C22orf15: variants seen among roughly 807,000 people sequenced by gnomAD.
C22orf15 encodes the protein uncharacterized protein C22orf15.
A neutral mutation model predicts 20.3 loss-of-function variants in C22orf15; 21 were observed. The ratio of observed to expected loss-of-function variants is 1.04; its 90% CI spans 0.74 to 1.49. C22orf15 has a LOEUF of 1.49. C22orf15 is among the 40% of genes most tolerant of loss of function. C22orf15 has a pLI of 0.00. For synonymous variants in C22orf15, 78 were observed against 75.4 expected (o/e 1.03, Z -0.18); for missense variants, 170 against 191.1 (o/e 0.89, Z 0.65).
intron 1 of C22orf15, among the ~76,000 whole-genome samples, chr22:23,763,658 A>T: frequency 6.6e-6 from 1 of 152,246 alleles, no homozygotes; most frequent in Non-Finnish European, 1.5e-5. Context: ...CGTGCATCAG[A>T]CACCTGAAAC....
At position 23,764,390 on chromosome 22, in the gene C22orf15, G is replaced by C. The variant is rs765516563; in HGVS notation, c.243G>C (p.Arg81=). ...AGCGAGCCATATATGTCCTCGTTCG[G>C]ATCATCAGTAAGGTGGCCCAAGGTT... ...LKERAIYVLV[R]IIKGEDMAST... is the part of the protein sequence containing the mutation. Residue 81 remains arginine, a synonymous_variant, in exon 3 of 6, where the codon CGG becomes CGC. Transcript: ENST00000402217. 47 of 1,559,946 alleles carry C rather than the reference G, an allele frequency of 3.0e-5. No individual in the cohort carries two copies. The highest frequency in any genetic ancestry group is 3.6e-5 in the Non-Finnish European group (41 of 1,151,756).
In C22orf15 at chr22:23,765,120, G is replaced by C. The variant is rs1053244221; in HGVS notation, c.435+218G>C. On this transcript the variant is annotated intron_variant, in intron 5 of 5. Transcript: ENST00000402217. ...TCCCCACCACCCCACGGGAGTGCCA[G>C]CGCACTAAGGGCCGGAATGTCCTCA... is the stretch of plus-strand genomic sequence containing the variant. The C allele has an allele frequency of 3.5e-6, 5 of 1,435,076 alleles. No homozygotes were observed. The African/African-American group carries it at 7.2e-5, about 21-fold the overall frequency. The allele number at this position is 1,435,076 out of a possible 1,614,324, so 88.9% of individuals were successfully genotyped here. A position where few individuals can be genotyped will look rare whatever the true frequency, so the allele number is the denominator to read the frequency against.
intron 5 of C22orf15, chr22:23,765,360 C>G: frequency 6.4e-7 from 1 of 1,550,926 alleles, no homozygotes; most frequent in Non-Finnish European, 8.7e-7. Flanking sequence ...GCCATGACCT[C>G]TGCCTTGTGT....
intron 1 of C22orf15, among the ~76,000 whole-genome samples, chr22:23,763,534 A>G (rs1337644076): frequency 6.6e-6 from 1 of 152,256 alleles, no homozygotes; most frequent in East Asian, 1.9e-4. Context: ...ACCCGAGCTG[A>G]GTCCTGCTCA....
Position 23,764,151 on chromosome 22 carries a change from GA to G in C22orf15, c.93del (p.Ala32GlnfsTer18). The G allele has an allele frequency of 6.4e-7, 1 of 1,551,696 alleles. No homozygotes were observed. Among genetic ancestry groups the G allele is most frequent in the Non-Finnish European group, 8.7e-7 (1 of 1,146,998 alleles). ...LVNLTAHLRQKAGLPPDATIA... is the reference protein window; with the variant it reads ...LVNLTAHLRQXAGLPPDATIA... ...TGAACCTCACCGCCCACCTGAGGCA[GA>G]AAGCAGGGTTGCCCCCAGATGGTGA... On this transcript the variant is annotated frameshift_variant, in exon 2 of 6. Coordinates refer to ENST00000402217, the MANE Select transcript of C22orf15 (RefSeq NM_182520.3). LOFTEE classifies it high-confidence loss of function.
In C22orf15 at chr22:23,764,310, G is replaced by A; in HGVS notation, c.163G>A (p.Asp55Asn). 6.4e-7 allele frequency: 1 copy of A among 1,551,610 alleles called. No homozygotes were observed. The highest frequency in any genetic ancestry group is 8.7e-7 in the Non-Finnish European group (1 of 1,146,976). ...TGGCAACCTAGTGAGCCTGGAGGAGGACCTGAAGGAAGGGGCTTCCCGGGC... is the reference window on the plus strand; with the variant it reads ...TGGCAACCTAGTGAGCCTGGAGGAGAACCTGAAGGAAGGGGCTTCCCGGGC... ...EDGNLVSLEE[D>N]LKEGASRAQT... Residue 55 changes from aspartate to asparagine, a missense_variant, in exon 3 of 6, where the codon GAC becomes AAC. Coordinates refer to ENST00000402217, the MANE Select transcript of C22orf15 (RefSeq NM_182520.3).
In C22orf15 at chr22:23,763,151, G is replaced by A; in HGVS notation, c.-156G>A. The A allele has an allele frequency of 2.0e-6, 2 of 978,120 alleles. No individual in the cohort carries two copies. The highest frequency in any genetic ancestry group is 1.5e-5 in the South Asian group (1 of 67,366). The allele number at this position is 978,120 out of a possible 1,614,324, so 60.6% of individuals were successfully genotyped here. On this transcript the variant is annotated 5_prime_UTR_variant, in exon 1 of 6. Coordinates refer to ENST00000402217, the MANE Select transcript of C22orf15 (RefSeq NM_182520.3). The stretch of plus-strand genomic sequence containing the variant: ...AGAACCACAGAGGTGGCTGAGCAGG[G>A]GCCTGGCCCTGGGACCCAGCCATCC...
rs531244604 is a variant in C22orf15 at position 23,764,410 on chromosome 22, A to G, written c.250+13A>G. 7 of 1,574,384 alleles carry G rather than the reference A, an allele frequency of 4.4e-6. No individual in the cohort carries two copies. The African/African-American group carries it at 8.1e-5, about 18-fold the overall frequency. On this transcript the variant is annotated intron_variant, in intron 3 of 5. Coordinates refer to ENST00000402217, the MANE Select transcript of C22orf15 (RefSeq NM_182520.3). ...GTTCGGATCATCAGTAAGGTGGCCC[A>G]AGGTTCTCTCCCCTGCAGCTATGGT...
chr22:23,765,675 G>C (rs760605321), intron 5 of C22orf15, 46 bp from the exon 6 acceptor site: 1 of 1,536,686 alleles, frequency 6.5e-7, no homozygotes, highest in South Asian at 1.2e-5. Context: ...TCTGTCCTGT[G>C]CTACCCACAG....
chr22:23,765,397 A>T, intron 5 of C22orf15: 14 of 1,551,114 alleles, frequency 9.0e-6, no homozygotes, highest in Non-Finnish European at 1.2e-5. Flanking sequence ...ACAACAACCC[A>T]GCAGGACTCC....
Position 23,764,704 on chromosome 22 carries a change from G to A in C22orf15, c.316G>A (p.Glu106Lys). The A allele has an allele frequency of 6.2e-7, 1 of 1,614,162 alleles. No individual in the cohort carries two copies. The highest frequency in any genetic ancestry group is 1.3e-5 in the African/African-American group (1 of 75,040). Residue 106 changes from glutamate (E) to lysine (K), a missense_variant, in exon 4 of 6, where the codon GAG becomes AAG. Glu to Lys is a moderately conservative substitution (Grantham distance 56, BLOSUM62 1). Coordinates refer to ENST00000402217, the MANE Select transcript of C22orf15 (RefSeq NM_182520.3). The part of the protein sequence containing the change: ...LLENLDDHYP[E>K]LAEELRRLSG... ...GGAGAACCTGGATGACCATTACCCAGAGCTGGCAGGTGAGTGTCAGGGTAC... is the reference window on the plus strand; with the variant it reads ...GGAGAACCTGGATGACCATTACCCAAAGCTGGCAGGTGAGTGTCAGGGTAC...
chr22:23,763,147 C>CA lies in C22orf15; in HGVS notation c.-159dup. ...CAGCAGAACCACAGAGGTGGCTGAG[C>CA]AGGGGCCTGGCCCTGGGACCCAGCC... On this transcript the variant is annotated 5_prime_UTR_variant, in exon 1 of 6. Coordinates refer to ENST00000402217, the MANE Select transcript of C22orf15 (RefSeq NM_182520.3). 2 of 923,098 alleles carry CA rather than the reference C, an allele frequency of 2.2e-6. No individual in the cohort carries two copies. Among genetic ancestry groups the CA allele is most frequent in the Non-Finnish European group, 3.3e-6 (2 of 606,310 alleles). 57.2% of individuals were successfully genotyped at this position (923,098 alleles called of 1,614,324 possible).
Position 23,764,304 on chromosome 22 carries a change from GAGGAGGACCTGA to G in C22orf15, c.162_173del (p.Asp55_Glu58del). 6.4e-7 allele frequency: 1 copy of G among 1,551,666 alleles called. No homozygotes were observed. The highest frequency in any genetic ancestry group is 1.2e-5 in the South Asian group (1 of 84,062). On this transcript the variant is annotated inframe_deletion, in exon 3 of 6. Coordinates refer to ENST00000402217, the MANE Select transcript of C22orf15 (RefSeq NM_182520.3). ...TGAGGATGGCAACCTAGTGAGCCTG[GAGGAGGACCTGA>G]AGGAAGGGGCTTCCCGGGCCCAGAC...
At chr22:23,764,928 G>C in intron 5 of C22orf15, 26 bp downstream of exon 5, 1 of 1,593,050 alleles carries the variant, frequency 6.3e-7, no homozygotes, top group Non-Finnish European at 8.6e-7. Flanking sequence ...CCCAGGAGTT[G>C]CTAGCTGGGG....
Position 23,764,251 on chromosome 22 carries a change from T to A in C22orf15, c.113-9T>A, listed in dbSNP as rs372494840. On this transcript the variant is annotated splice_polypyrimidine_tract_variant and intron_variant, in intron 2 of 5. Transcript: ENST00000402217. Reference sequence around the variant, plus strand: ...CAGCCCTGCCCAGTCTCTCTCCATGTCCTCCCAGCGACCATTGCTCTCCTG... The same window carrying A: ...CAGCCCTGCCCAGTCTCTCTCCATGACCTCCCAGCGACCATTGCTCTCCTG... 2.4e-5 allele frequency: 38 copies of A among 1,551,430 alleles called. No homozygotes were observed. The highest frequency in any genetic ancestry group is 3.2e-5 in the Non-Finnish European group (37 of 1,146,936).
chr22:23,764,714 G>A lies in C22orf15; in HGVS notation c.325+1G>A. 1.9e-6 allele frequency: 3 copies of A among 1,614,204 alleles called. No homozygotes were observed. Among genetic ancestry groups the A allele is most frequent in the South Asian group, 2.2e-5 (2 of 91,088 alleles). On this transcript the variant is annotated splice_donor_variant, in intron 4 of 5. Transcript: ENST00000402217. LOFTEE classifies it high-confidence loss of function. ...GATGACCATTACCCAGAGCTGGCAG[G>A]TGAGTGTCAGGGTACAGCCCAGGGG...
Position 23,763,294 on chromosome 22 carries a change from A to AC in C22orf15, c.-10dup, listed in dbSNP as rs1325459647. ...GATCAAAGCCCCCCACATCTCCCTC[A>AC]CCCGCTGCAGCTATGTTTATCAAGG... On this transcript the variant is annotated 5_prime_UTR_variant, in exon 1 of 6. Transcript: ENST00000402217. The AC allele has an allele frequency of 6.5e-7, 1 of 1,550,046 alleles. No homozygotes were observed. The highest frequency in any genetic ancestry group is 2.0e-5 in the Admixed American group (1 of 50,846).
Position 23,764,402 on chromosome 22 carries a change from G to A in C22orf15, c.250+5G>A, listed in dbSNP as rs1047658065. 2.6e-6 allele frequency: 4 copies of A among 1,567,304 alleles called. No homozygotes were observed. The Admixed American group carries it at 5.7e-5, about 22-fold the overall frequency. The stretch of plus-strand genomic sequence containing the variant: ...ATGTCCTCGTTCGGATCATCAGTAA[G>A]GTGGCCCAAGGTTCTCTCCCCTGCA... On this transcript the variant is annotated splice_donor_5th_base_variant and intron_variant, in intron 3 of 5. Transcript: ENST00000402217.
intron 5 of C22orf15, chr22:23,765,477 CG>C: frequency 6.4e-7 from 1 of 1,550,724 alleles, no homozygotes; most frequent in Non-Finnish European, 8.7e-7. Context: ...GATTTGAGGC[CG>C]CCAGGGGCAC....
Sources: allele counts gnomAD v4.1 joint callset (sites outside exome capture counted in the v4.1 genomes callset), GRCh38; gene constraint gnomAD v4.1.1; transcripts MANE v1.5; gene names NCBI Gene and HGNC (gene_info 2026-07-23, HGNC 2026-07-21).